EYS: variants seen among roughly 807,000 people sequenced by gnomAD.
EYS encodes protein eyes shut homolog.
Under a neutral mutation model 282.1 loss-of-function variants are expected in EYS, and 250 were observed. The ratio of observed to expected loss-of-function variants is 0.89; its 90% confidence interval spans 0.80 to 0.98. The LOEUF (loss-of-function observed/expected upper bound fraction) is 0.98. Ranked by LOEUF, EYS falls within the 50% of genes least tolerant of loss-of-function variation. The pLI is 0.00. For synonymous variants in EYS, 1,355 were observed against 1,282.9 expected, an observed-to-expected ratio of 1.06 and a Z score of -1.20; for missense variants, 4,016 against 3,709.0, an observed-to-expected ratio of 1.08 and a Z score of -2.15.
At chr6:65,455,056 G>A (rs1764550337) in intron 5 of EYS, among the ~76,000 whole-genome samples, 2 of 152,032 alleles carry the variant, frequency 1.3e-5, no homozygotes, top group Admixed American at 1.3e-4. Flanking sequence ...CTGGTATTTT[G>A]ATAGAGATTG....
At chr6:65,105,824 T>C (rs1211323335) in intron 12 of EYS, among the ~76,000 whole-genome samples, 1 of 151,948 alleles carries the variant, frequency 6.6e-6, no homozygotes, top group Non-Finnish European at 1.5e-5. Flanking sequence ...TTAATTTACA[T>C]GCTATTGCTA....
intron 11 of EYS, among the ~76,000 whole-genome samples, chr6:65,333,414 A>T (rs1769867032): frequency 6.6e-6 from 1 of 151,510 alleles, no homozygotes; most frequent in African/African-American, 2.4e-5. Flanking sequence ...TATTATTTCA[A>T]TTTTTTGAAA....
chr6:65,030,269 G>A (rs937715477), intron 13 of EYS, among the ~76,000 whole-genome samples: 1 of 152,104 alleles, frequency 6.6e-6, no homozygotes, highest in Non-Finnish European at 1.5e-5. Flanking sequence ...GCAGCACAGT[G>A]TCAGATGCCC....
intron 12 of EYS, among the ~76,000 whole-genome samples, chr6:65,131,796 T>C (rs1775886953): frequency 6.6e-6 from 1 of 151,748 alleles, no homozygotes; most frequent in Non-Finnish European, 1.5e-5. Flanking sequence ...GTTGGTTTTT[T>C]GAAAAAATTA....
At chr6:64,988,356 G>A (rs1380300114) in intron 14 of EYS, among the ~76,000 whole-genome samples, 1 of 151,480 alleles carries the variant, frequency 6.6e-6, no homozygotes, top group African/African-American at 2.4e-5. Flanking sequence ...AGCATCCGAT[G>A]ATATCATGTC....
At chr6:64,579,454 G>A (rs188812756) in intron 26 of EYS, among the ~76,000 whole-genome samples, 3 of 152,178 alleles carry the variant, frequency 2.0e-5, no homozygotes, top group Non-Finnish European at 2.9e-5. Context: ...TTCAACCCCA[G>A]ATCATTCTCA....
At chr6:64,703,427 A>ATTTTT (rs1488123469) in intron 22 of EYS, among the ~76,000 whole-genome samples, 25 of 28,414 alleles carry the variant, frequency 8.8e-4, no homozygotes, top group African/African-American at 2.2e-3. Context: ...ATATATATAT[A>ATTTTT]TATTTTTTTT....
chr6:64,986,894 A>G (rs1272264341), intron 14 of EYS, among the ~76,000 whole-genome samples: 2 of 151,404 alleles, frequency 1.3e-5, no homozygotes, highest in African/African-American at 2.4e-5. Context: ...CCTTGGTGGC[A>G]AATGACAGAA....
chr6:64,754,987 C>T (rs754698430), intron 22 of EYS, among the ~76,000 whole-genome samples: 2 of 151,964 alleles, frequency 1.3e-5, no homozygotes, highest in East Asian at 3.9e-4. Context: ...AAACCGGAAC[C>T]GAGGAAGTCA....
intron 26 of EYS, among the ~76,000 whole-genome samples, chr6:64,554,492 A>G (rs1002119637): frequency 6.6e-6 from 1 of 152,040 alleles, no homozygotes; most frequent in Non-Finnish European, 1.5e-5. Flanking sequence ...GATAATTCCA[A>G]CCCTAAAAAA....
chr6:63,829,188 A>C (rs1349991288), intron 36 of EYS, among the ~76,000 whole-genome samples: 1 of 152,170 alleles, frequency 6.6e-6, no homozygotes, highest in African/African-American at 2.4e-5. Flanking sequence ...TAATTTCTGC[A>C]TTTCCAACTG....
intron 12 of EYS, among the ~76,000 whole-genome samples, chr6:65,078,368 C>T (rs1185022186): frequency 6.6e-6 from 1 of 151,956 alleles, no homozygotes; most frequent in Admixed American, 6.6e-5. Flanking sequence ...CTATGCCCTG[C>T]AGTTCAATTG....
At chr6:65,169,229 T>G (rs1365543241) in intron 12 of EYS, among the ~76,000 whole-genome samples, 10 of 151,406 alleles carry the variant, frequency 6.6e-5, no homozygotes, top group Non-Finnish European at 3.0e-5. Flanking sequence ...TTATCTTTCA[T>G]GAAATTAGAT....
rs565739428 is a variant in EYS, at chr6:64,630,158, C to T, written c.3444-3913G>A. Reference sequence around the variant, plus strand: ...GTTGCCAGGCTGGAGTGCAGTGGCACGATCTCGGCTCACTGCAAACTCCGC... The same window carrying T: ...GTTGCCAGGCTGGAGTGCAGTGGCATGATCTCGGCTCACTGCAAACTCCGC... On this transcript the variant is annotated intron_variant, in intron 22 of 42. Coordinates refer to ENST00000503581, the MANE Select transcript of EYS (RefSeq NM_001142800.2). 4.6e-5 allele frequency among the ~76,000 whole-genome samples: 7 copies of T among 152,248 alleles called. No individual in the cohort carries two copies. The East Asian group carries it at 5.8e-4, about 13-fold the overall frequency.
chr6:64,177,187 T>C (rs989216412), intron 31 of EYS, among the ~76,000 whole-genome samples: 2 of 151,744 alleles, frequency 1.3e-5, no homozygotes, highest in African/African-American at 4.8e-5. Context: ...AATTAATACA[T>C]ATATGACAGT....
chr6:64,382,849 T>A (rs1383677516), intron 29 of EYS, among the ~76,000 whole-genome samples: 2 of 152,086 alleles, frequency 1.3e-5, no homozygotes, highest in Non-Finnish European at 2.9e-5. Context: ...GAAAAAAAGA[T>A]GCATCAGAGT....
intron 33 of EYS, among the ~76,000 whole-genome samples, chr6:64,026,605 C>T (rs554075889): frequency 1.3e-5 from 2 of 152,248 alleles, no homozygotes; most frequent in African/African-American, 4.8e-5. Flanking sequence ...TATGTCCAAG[C>T]TTTCTTTTCA....
At chr6:64,524,624 T>G (rs1252367804) in intron 26 of EYS, among the ~76,000 whole-genome samples, 1 of 151,812 alleles carries the variant, frequency 6.6e-6, no homozygotes, top group Non-Finnish European at 1.5e-5. Flanking sequence ...CCATTTAAGT[T>G]TTACTCCATC....
At chr6:63,922,390 C>T (rs1230993463) in intron 35 of EYS, among the ~76,000 whole-genome samples, 1 of 152,144 alleles carries the variant, frequency 6.6e-6, no homozygotes, top group Non-Finnish European at 1.5e-5. Flanking sequence ...TGGTAAAACC[C>T]TGTCTCTACT....
Sources: gnomAD v4.1 joint callset for allele counts (sites outside exome capture counted in the v4.1 genomes callset) on GRCh38, gnomAD v4.1.1 for gene constraint, MANE v1.5 for transcripts, NCBI Gene and HGNC (gene_info 2026-07-23, HGNC 2026-07-21) for gene names.